The following GPX6 variants were observed in gnomAD, a reference collection of about 807,000 sequenced individuals.
GPX6 encodes glutathione peroxidase 6.
Under a neutral mutation model 20.0 loss-of-function variants are expected in GPX6, and 21 were observed. That is an observed-to-expected ratio of 1.05 (90% CI 0.74 to 1.51). The LOEUF (loss-of-function observed/expected upper bound fraction) is 1.51, where lower values mean the gene tolerates loss of function less well. Ranked by LOEUF, GPX6 falls within the 40% of genes most tolerant of loss-of-function variation. The pLI, the probability that GPX6 is intolerant of heterozygous loss-of-function variation, is 0.00. For missense variants in GPX6, 233 were observed against 254.7 expected, an observed-to-expected ratio of 0.91 and a Z score of 0.58; for synonymous variants, 75 against 98.0, an observed-to-expected ratio of 0.77 and a Z score of 1.38.
chr6:28,512,295 A>G (rs1431485585), intron 1 of GPX6, among the ~76,000 whole-genome samples: 2 of 152,248 alleles, frequency 1.3e-5, no homozygotes, highest in Non-Finnish European at 1.5e-5. Flanking sequence ...TAGCTAAGGG[A>G]TTGTAAATAC....
chr6:28,505,751 T>G lies in GPX6; in HGVS notation c.411A>C (p.Lys137Asn). Residue 137 changes from lysine to asparagine, a missense_variant, in exon 4 of 5, where the codon AAA becomes AAC. Physicochemically the swap from Lys to Asn is moderately conservative, Grantham distance 94. Coordinates refer to ENST00000361902, the MANE Select transcript of GPX6 (RefSeq NM_182701.1). ...GTTCTTTTTCTCCATTCACATCCCC[T>G]TTCTCAAAGAGCTGGAAACTGGGGA... ...GFVPSFQLFEKGDVNGEKEQK... is the reference protein window; with the variant it reads ...GFVPSFQLFENGDVNGEKEQK... 6.2e-7 allele frequency: 1 copy of G among 1,614,040 alleles called. No individual in the cohort carries two copies.
intron 1 of GPX6, among the ~76,000 whole-genome samples, chr6:28,512,448 ACT>A (rs58818343): frequency 0.07 from 10,623 of 152,000 alleles, 478 homozygotes; most frequent in African/African-American, 0.12. Context: ...TTGTGTGGAC[ACT>A]CTGTATCTAG....
intron 2 of GPX6, among the ~76,000 whole-genome samples, chr6:28,510,262 C>T (rs2113601371): frequency 6.6e-6 from 1 of 152,292 alleles, no homozygotes; most frequent in African/African-American, 2.4e-5. Flanking sequence ...TTACCAGTTA[C>T]AGCTTTAGTC....
chr6:28,513,325 C>T, intron 1 of GPX6, among the ~76,000 whole-genome samples: 1 of 152,186 alleles, frequency 6.6e-6, no homozygotes, highest in South Asian at 2.1e-4. Context: ...CACCCTGTAA[C>T]ACACGCCCAC....
At chr6:28,511,650 C>T (rs1195962973) in intron 1 of GPX6, among the ~76,000 whole-genome samples, 1 of 152,274 alleles carries the variant, frequency 6.6e-6, no homozygotes, top group Admixed American at 6.5e-5. Context: ...AGCAATGCAC[C>T]ATCGTGGTGA....
rs1473539656 is a variant in GPX6 at position 28,506,328 on chromosome 6, T to C, written c.343A>G (p.Ile115Val). The change falls in exon 3 of 5, where the codon ATA becomes GTA. Residue 115 changes from isoleucine to valine, a missense_variant. Transcript: ENST00000361902. ...AGCACTCACTTGAGACCAAGAAGTA[T>C]TTCTGAGTTTGTTCCTGGTTCTTGT... ...GKQEPGTNSEILLGLKYVCPG... is the reference protein window; with the variant it reads ...GKQEPGTNSEVLLGLKYVCPG... 6.2e-7 allele frequency: 1 copy of C among 1,609,642 alleles called. No homozygotes were observed. The highest frequency in any genetic ancestry group is 1.3e-5 in the African/African-American group (1 of 74,930).
chr6:28,513,052 A>G (rs567420926), intron 1 of GPX6, among the ~76,000 whole-genome samples: 2 of 152,320 alleles, frequency 1.3e-5, no homozygotes, highest in South Asian at 2.1e-4. Flanking sequence ...CAGTAGGAGC[A>G]CACTGGAAGG....
chr6:28,506,520 G>T (rs1198708414), intron 2 of GPX6, 91 bp from the exon 3 acceptor site: 4 of 748,298 alleles, frequency 5.3e-6, no homozygotes, highest in Non-Finnish European at 9.7e-6. Flanking sequence ...TTTATCACAT[G>T]AATAAACCGA....
chr6:28,507,149 C>G (rs1262185249), intron 2 of GPX6, among the ~76,000 whole-genome samples: 19 of 152,226 alleles, frequency 1.2e-4, no homozygotes, highest in Admixed American at 1.2e-3. Flanking sequence ...TCCAGCTTGT[C>G]TGTTTAGACT....
chr6:28,505,088 G>T (rs1762794983), intron 4 of GPX6, among the ~76,000 whole-genome samples: 1 of 152,088 alleles, frequency 6.6e-6, no homozygotes, highest in African/African-American at 2.4e-5. Context: ...GTAAGTAAAG[G>T]GCAATTTATA....
At chr6:28,515,260 C>T (rs1331245040) in intron 1 of GPX6, among the ~76,000 whole-genome samples, 1 of 152,166 alleles carries the variant, frequency 6.6e-6, no homozygotes, top group Admixed American at 6.5e-5. Context: ...GTAACCAGGG[C>T]AGCCTCCCTG....
intron 1 of GPX6, among the ~76,000 whole-genome samples, chr6:28,512,147 G>A (rs1684067743): frequency 6.6e-6 from 1 of 152,206 alleles, no homozygotes; most frequent in South Asian, 2.1e-4. Flanking sequence ...CAGTCCCATC[G>A]GCCACCCAAG....
At chr6:28,514,384 GC>G (rs1762986740) in intron 1 of GPX6, among the ~76,000 whole-genome samples, 1 of 152,152 alleles carries the variant, frequency 6.6e-6, no homozygotes, top group Non-Finnish European at 1.5e-5. Context: ...CTAGAACACA[GC>G]TTTTAATTCA....
At chr6:28,513,232 A>C (rs72844228) in intron 1 of GPX6, among the ~76,000 whole-genome samples, 3,455 of 152,016 alleles carry the variant, frequency 0.023, 59 homozygotes, top group Non-Finnish European at 0.035. Context: ...GATCCCTGGG[A>C]TACAGAAAGT....
rs67996303 is a variant in GPX6, at chr6:28,504,022, AACACACACAC to A, written c.*260_*269del. On this transcript the variant is annotated 3_prime_UTR_variant, in exon 5 of 5. Coordinates refer to ENST00000361902, the MANE Select transcript of GPX6 (RefSeq NM_182701.1). ...TAGGTGTTCTTTTCCTTAATCTTCA[AACACACACAC>A]ACACACACACACACACACCATACAT... The A allele has an allele frequency of 9.4e-5, 32 of 338,934 alleles. No individual in the cohort carries two copies. Among genetic ancestry groups the A allele is most frequent in the Non-Finnish European group, 1.5e-4 (28 of 191,000 alleles). 21.0% of individuals were successfully genotyped at this position (338,934 alleles called of 1,614,324 possible). A position where few individuals can be genotyped will look rare whatever the true frequency, so the allele number is the denominator to read the frequency against.
At chr6:28,515,315 C>T (rs373914290) in intron 1 of GPX6, among the ~76,000 whole-genome samples, 2 of 152,088 alleles carry the variant, frequency 1.3e-5, no homozygotes, top group Admixed American at 6.5e-5. Flanking sequence ...GGATCCACAG[C>T]GCTACTCCAA....
chr6:28,505,794 C>A lies in GPX6; in HGVS notation c.368G>T (p.Cys123Phe). Residue 123 changes from cysteine (C) to phenylalanine (F), a missense_variant, in exon 4 of 5, where the codon TGT becomes TTT. Coordinates refer to ENST00000361902, the MANE Select transcript of GPX6 (RefSeq NM_182701.1). ...SEILLGLKYV[C>F]PGSGFVPSFQ... ...ACTGGGGACAAAGCCACTACCTGGA[C>A]ACACATACCTGCAGTGAACCAAAGT... 6.2e-7 allele frequency: 1 copy of A among 1,613,618 alleles called. No homozygotes were observed. Among genetic ancestry groups the A allele is most frequent in the Non-Finnish European group, 8.5e-7 (1 of 1,179,550 alleles).
At chr6:28,510,953 C>T in intron 1 of GPX6, 49 bp from the exon 2 acceptor site, 1 of 1,515,788 alleles carries the variant, frequency 6.6e-7, no homozygotes, top group Non-Finnish European at 9.0e-7. Context: ...AAAAATAATT[C>T]CCAACATTTG....
chr6:28,507,789 C>G (rs1181302143), intron 2 of GPX6, among the ~76,000 whole-genome samples: 1 of 152,194 alleles, frequency 6.6e-6, no homozygotes, highest in East Asian at 1.9e-4. Context: ...TGGTCTGAAA[C>G]TCCTGATGTT....
Sources: gnomAD v4.1 joint callset for allele counts (sites outside exome capture counted in the v4.1 genomes callset) on GRCh38, gnomAD v4.1.1 for gene constraint, MANE v1.5 for transcripts, NCBI Gene and HGNC (gene_info 2026-07-23, HGNC 2026-07-21) for gene names.